The following ITSN1 variants were observed in gnomAD, a reference collection of about 807,000 sequenced individuals.
ITSN1 encodes the protein intersectin-1.
ITSN1 carries 58 observed loss-of-function variants against 239.8 expected under a neutral mutation model. That is an observed-to-expected ratio of 0.24 (90% CI 0.20 to 0.30). The LOEUF (loss-of-function observed/expected upper bound fraction) is 0.30. Among genes scored for constraint, ITSN1 ranks in the 10% least tolerant of loss-of-function variants. The pLI is 1.00. For synonymous variants in ITSN1, 780 were observed against 770.8 expected (o/e 1.01, Z -0.20); for missense variants, 1,558 against 2,103.3 (o/e 0.74, Z 5.07).
chr21:33,889,250 C>T lies in ITSN1; in HGVS notation c.*950C>T, dbSNP rs1219560970. On this transcript the variant is annotated 3_prime_UTR_variant, in exon 40 of 40. Coordinates refer to ENST00000381318, the MANE Select transcript of ITSN1 (RefSeq NM_003024.3). ...GAATCCTGATTGTTGTAGGACATTT[C>T]AACAGCTCTTTTTGGTACGTTCCCC... 8 of 152,020 alleles carry T rather than the reference C, an allele frequency of 5.3e-5. No individual in the cohort carries two copies. The highest frequency in any genetic ancestry group is 7.4e-5 in the Non-Finnish European group (5 of 68,012). The allele number at this position is 152,020 out of a possible 1,614,324, so 9.4% of individuals were successfully genotyped here. A position where few individuals can be genotyped will look rare whatever the true frequency, so the allele number is the denominator to read the frequency against.
At chr21:33,655,471 T>A (rs1005722283) in intron 1 of ITSN1, among the ~76,000 whole-genome samples, 1 of 151,600 alleles carries the variant, frequency 6.6e-6, no homozygotes, top group Non-Finnish European at 1.5e-5. Context: ...CAGGCTGGAG[T>A]GTGCAGCGGT....
At chr21:33,653,947 TA>T (rs1250185914) in intron 1 of ITSN1, among the ~76,000 whole-genome samples, 1 of 152,120 alleles carries the variant, frequency 6.6e-6, no homozygotes, top group Non-Finnish European at 1.5e-5. Flanking sequence ...TGAGCCACCA[TA>T]ACTTGTATTT....
At chr21:33,817,096 A>G in intron 22 of ITSN1, 1 of 1,091,766 alleles carries the variant, frequency 9.2e-7, no homozygotes, top group Non-Finnish European at 1.2e-6. Context: ...CTCTCTAGGC[A>G]TTATCTTTTG....
rs778578618 is a variant in ITSN1 at position 33,875,388 on chromosome 21, A to G, written c.4208A>G (p.His1403Arg). 3 of 1,614,066 alleles carry G rather than the reference A, an allele frequency of 1.9e-6. No homozygotes were observed. In the South Asian group the frequency reaches 3.3e-5, roughly 18 times the overall value. Reference sequence around the variant, plus strand: ...AACACCCCTGAAAACCACCCGGACCACAGCCACTTGAAGCACGCCCTGGAG... The same window carrying G: ...AACACCCCTGAAAACCACCCGGACCGCAGCCACTTGAAGCACGCCCTGGAG... ...LENTPENHPD[H>R]SHLKHALEKA... is the part of the protein sequence containing the mutation. Residue 1403 changes from histidine to arginine, a missense_variant, in exon 34 of 40, where the codon CAC becomes CGC. Coordinates refer to ENST00000381318, the MANE Select transcript of ITSN1 (RefSeq NM_003024.3).
At chr21:33,857,110 G>A (rs759568060) in intron 30 of ITSN1, among the ~76,000 whole-genome samples, 3 of 152,202 alleles carry the variant, frequency 2.0e-5, no homozygotes, top group Non-Finnish European at 4.4e-5. Flanking sequence ...TCCCTGAGCA[G>A]TTGATGGATG....
intron 5 of ITSN1, among the ~76,000 whole-genome samples, chr21:33,738,267 A>G (rs2066623717): frequency 6.6e-6 from 1 of 152,198 alleles, no homozygotes; most frequent in Non-Finnish European, 1.5e-5. Flanking sequence ...ATAATATTTG[A>G]TCACAATGAT....
intron 29 of ITSN1, chr21:33,838,195 G>A: frequency 1.0e-6 from 1 of 985,336 alleles, no homozygotes; most frequent in Non-Finnish European, 1.2e-6. Context: ...TCACAGCACA[G>A]AAAATGGGGC....
At chr21:33,837,576 C>T (rs942419785) in intron 29 of ITSN1, 7 of 985,864 alleles carry the variant, frequency 7.1e-6, no homozygotes, top group East Asian at 1.1e-4. Context: ...GTTTTAAAGA[C>T]GTATAGAATG....
chr21:33,700,475 A>G (rs1377205449), intron 1 of ITSN1, among the ~76,000 whole-genome samples: 1 of 152,106 alleles, frequency 6.6e-6, no homozygotes, highest in Non-Finnish European at 1.5e-5. Flanking sequence ...CTTACTTTGG[A>G]AGGGAGGGAG....
At chr21:33,841,692 C>T (rs1014490256) in intron 29 of ITSN1, among the ~76,000 whole-genome samples, 6 of 152,204 alleles carry the variant, frequency 3.9e-5, no homozygotes, top group African/African-American at 7.2e-5. Context: ...AGTTGGGCAA[C>T]GGGCACAGCA....
chr21:33,770,116 T>C (rs907893882), intron 11 of ITSN1, among the ~76,000 whole-genome samples: 3 of 151,890 alleles, frequency 2.0e-5, no homozygotes, highest in African/African-American at 7.3e-5. Flanking sequence ...CAGGCTGGAG[T>C]GCAGTGGCGC....
Position 33,771,930 on chromosome 21 carries a change from G to C in ITSN1, c.1043-131G>C, listed in dbSNP as rs562391614. The C allele has an allele frequency of 2.9e-5, 28 of 963,848 alleles. No homozygotes were observed. In the African/African-American group the frequency reaches 4.1e-4, roughly 14 times the overall value. 59.7% of individuals were successfully genotyped at this position (963,848 alleles called of 1,614,324 possible). A position where few individuals can be genotyped will look rare whatever the true frequency, so the allele number is the denominator to read the frequency against. On this transcript the variant is annotated intron_variant, in intron 11 of 39. Coordinates refer to ENST00000381318, the MANE Select transcript of ITSN1 (RefSeq NM_003024.3). ...GGGTTTTCGTTGTGCTCATTAACAA[G>C]GACACAGAAGCTTAGGGAGTTCTGG...
intron 1 of ITSN1, among the ~76,000 whole-genome samples, chr21:33,685,449 G>T (rs1051723735): frequency 4.6e-5 from 7 of 151,984 alleles, no homozygotes; most frequent in Non-Finnish European, 1.0e-4. Context: ...AGTTGGCCTT[G>T]AAAGGAGTTA....
chr21:33,707,611 C>T (rs545506708), intron 1 of ITSN1, among the ~76,000 whole-genome samples: 1 of 152,276 alleles, frequency 6.6e-6, no homozygotes, highest in African/African-American at 2.4e-5. Flanking sequence ...AATTAGTTTA[C>T]ATTTTCTAGA....
At chr21:33,644,612 G>A (rs1211800323) in intron 1 of ITSN1, among the ~76,000 whole-genome samples, 2 of 151,730 alleles carry the variant, frequency 1.3e-5, no homozygotes, top group Non-Finnish European at 2.9e-5. Flanking sequence ...CATAAAATGA[G>A]TGGTAGCAAG....
intron 1 of ITSN1, among the ~76,000 whole-genome samples, chr21:33,703,981 G>A (rs141575028): frequency 8.6e-4 from 131 of 152,236 alleles, no homozygotes; most frequent in Middle Eastern, 3.4e-3. Flanking sequence ...TAGGCCACAG[G>A]GCCAGGGACC....
At chr21:33,851,283 A>G (rs1028538838) in intron 29 of ITSN1, among the ~76,000 whole-genome samples, 8 of 152,046 alleles carry the variant, frequency 5.3e-5, no homozygotes, top group African/African-American at 1.7e-4. Context: ...CCATATGGAG[A>G]CCCAGCCTCA....
chr21:33,765,779 TG>T, intron 9 of ITSN1, 95 bp from the exon 10 acceptor site: 1 of 1,297,870 alleles, frequency 7.7e-7, no homozygotes, highest in Non-Finnish European at 1.1e-6. Context: ...AGTTGGCCTG[TG>T]GTCAATAAGA....
At chr21:33,868,054 G>A (rs2148509074) in intron 33 of ITSN1, among the ~76,000 whole-genome samples, 1 of 152,358 alleles carries the variant, frequency 6.6e-6, no homozygotes, top group East Asian at 1.9e-4. Flanking sequence ...CTTCCACGGT[G>A]TGGAAAGGGA....
Sources: allele counts gnomAD v4.1 joint callset (sites outside exome capture counted in the v4.1 genomes callset), GRCh38; gene constraint gnomAD v4.1.1; transcripts MANE v1.5; gene names NCBI Gene and HGNC (gene_info 2026-07-23, HGNC 2026-07-21).